The following RNF182 variants were observed in gnomAD, a reference collection of about 807,000 sequenced individuals.
The protein encoded by RNF182 is E3 ubiquitin-protein ligase RNF182.
RNF182 carries 15 observed loss-of-function variants against 14.4 expected under a neutral mutation model. The ratio of observed to expected loss-of-function variants is 1.04; its 90% CI spans 0.70 to 1.60. The LOEUF is 1.60. Ranked by LOEUF, RNF182 falls within the 40% of genes most tolerant of loss-of-function variation. RNF182 has a pLI of 0.00. For synonymous variants in RNF182, 128 were observed against 122.9 expected (o/e 1.04, Z -0.27); for missense variants, 268 against 294.8 (o/e 0.91, Z 0.67).
intron 1 of RNF182, among the ~76,000 whole-genome samples, chr6:13,946,536 T>C (rs1011385400): frequency 1.3e-5 from 2 of 152,190 alleles, no homozygotes; most frequent in African/African-American, 4.8e-5. Flanking sequence ...TTCCTGGGTC[T>C]GTTATTTCCT....
intron 1 of RNF182, among the ~76,000 whole-genome samples, chr6:13,940,041 C>T (rs1759249619): frequency 1.3e-5 from 2 of 152,044 alleles, no homozygotes; most frequent in South Asian, 4.1e-4. Flanking sequence ...TATCTAGGAC[C>T]TCAATTATAA....
At chr6:13,974,742 C>CT (rs1760281925) in intron 2 of RNF182, among the ~76,000 whole-genome samples, 1 of 152,214 alleles carries the variant, frequency 6.6e-6, no homozygotes. Context: ...CATGTCTACT[C>CT]TAGCTTTCTG....
intron 1 of RNF182, among the ~76,000 whole-genome samples, chr6:13,972,888 CT>C (rs1381557983): frequency 6.6e-6 from 1 of 152,210 alleles, no homozygotes; most frequent in Admixed American, 6.5e-5. Flanking sequence ...CACTGGGGCA[CT>C]GCCTAGTGGA....
chr6:13,968,270 G>A (rs1359679978), intron 1 of RNF182, among the ~76,000 whole-genome samples: 1 of 152,126 alleles, frequency 6.6e-6, no homozygotes, highest in South Asian at 2.1e-4. Context: ...ATGCAAAGAC[G>A]ATAACAGAAT....
chr6:13,978,083 G>C lies in RNF182; in HGVS notation c.*220G>C. The C allele has an allele frequency of 1.4e-5, 7 of 505,664 alleles. No homozygotes were observed. Among genetic ancestry groups the C allele is most frequent in the South Asian group, 9.0e-5 (3 of 33,310 alleles). 31.3% of individuals were successfully genotyped at this position (505,664 alleles called of 1,614,324 possible). A position where few individuals can be genotyped will look rare whatever the true frequency, so the allele number is the denominator to read the frequency against. On this transcript the variant is annotated 3_prime_UTR_variant, in exon 3 of 3. Coordinates refer to ENST00000488300, the MANE Select transcript of RNF182 (RefSeq NM_152737.4). ...AAAATTGTATAAGCTCACACTTCATGGAGCACTGACAGCAGTGAGTCTTCC... is the reference window on the plus strand; with the variant it reads ...AAAATTGTATAAGCTCACACTTCATCGAGCACTGACAGCAGTGAGTCTTCC...
intron 1 of RNF182, among the ~76,000 whole-genome samples, chr6:13,936,059 A>C (rs1759100637): frequency 6.6e-6 from 1 of 152,204 alleles, no homozygotes; most frequent in Admixed American, 6.5e-5. Context: ...AGGAAGAGAG[A>C]TGGGAGAGGT....
At chr6:13,931,188 T>G (rs1758959005) in intron 1 of RNF182, among the ~76,000 whole-genome samples, 1 of 152,206 alleles carries the variant, frequency 6.6e-6, no homozygotes, top group African/African-American at 2.4e-5. Flanking sequence ...TCCTCAAGTC[T>G]ATTTTTGGAA....
At chr6:13,968,051 GA>G (rs1171995907) in intron 1 of RNF182, among the ~76,000 whole-genome samples, 1 of 148,232 alleles carries the variant, frequency 6.7e-6, no homozygotes, top group African/African-American at 2.4e-5. Flanking sequence ...TATGAATTGG[GA>G]AAAAAATCAT....
intron 1 of RNF182, among the ~76,000 whole-genome samples, chr6:13,957,093 G>A (rs1352997640): frequency 6.6e-6 from 1 of 152,068 alleles, no homozygotes; most frequent in Non-Finnish European, 1.5e-5. Flanking sequence ...GTGCCTTTTG[G>A]GATAGAGTAT....
At chr6:13,956,613 A>G (rs1759738972) in intron 1 of RNF182, among the ~76,000 whole-genome samples, 1 of 151,942 alleles carries the variant, frequency 6.6e-6, no homozygotes, top group South Asian at 2.1e-4. Context: ...GCGTGAGCCA[A>G]TGCTCCCGGC....
intron 1 of RNF182, among the ~76,000 whole-genome samples, chr6:13,959,627 T>A (rs1462185050): frequency 6.6e-6 from 1 of 152,204 alleles, no homozygotes; most frequent in Non-Finnish European, 1.5e-5. Context: ...TTTGGTTGAA[T>A]TGACTGGCTT....
chr6:13,931,442 G>A (rs961192027), intron 1 of RNF182, among the ~76,000 whole-genome samples: 17 of 152,114 alleles, frequency 1.1e-4, no homozygotes, highest in Middle Eastern at 3.2e-3. Flanking sequence ...CTGGAGTGTG[G>A]TATCAGGGAT....
At chr6:13,953,121 A>G (rs1759637502) in intron 1 of RNF182, among the ~76,000 whole-genome samples, 1 of 152,208 alleles carries the variant, frequency 6.6e-6, no homozygotes, top group African/African-American at 2.4e-5. Flanking sequence ...GGTCTGTTCA[A>G]TAAACATTAT....
chr6:13,976,507 C>T (rs1465618356), intron 2 of RNF182, among the ~76,000 whole-genome samples: 1 of 152,168 alleles, frequency 6.6e-6, no homozygotes, highest in East Asian at 1.9e-4. Flanking sequence ...ATTTAGACAC[C>T]TGGTATTTAC....
intron 2 of RNF182, 29 bp from the exon 3 acceptor site, chr6:13,976,880 T>A (rs994282036): frequency 4.0e-6 from 2 of 501,290 alleles, no homozygotes; most frequent in South Asian, 7.2e-5. Flanking sequence ...AACTGTTCAT[T>A]ATATTAGAAT....
At chr6:13,948,871 T>G (rs1466065878) in intron 1 of RNF182, among the ~76,000 whole-genome samples, 3 of 152,022 alleles carry the variant, frequency 2.0e-5, no homozygotes, top group Non-Finnish European at 2.9e-5. Context: ...TTTCTTTAGT[T>G]TATTCAAAAG....
intron 1 of RNF182, among the ~76,000 whole-genome samples, chr6:13,940,506 C>T (rs1320548251): frequency 2.6e-5 from 4 of 152,048 alleles, no homozygotes; most frequent in African/African-American, 9.7e-5. Flanking sequence ...TTTTTCCCCC[C>T]TTGATCAGTC....
intron 1 of RNF182, among the ~76,000 whole-genome samples, chr6:13,962,923 A>G (rs1464463689): frequency 6.6e-6 from 1 of 152,216 alleles, no homozygotes; most frequent in African/African-American, 2.4e-5. Context: ...AGTAATACAT[A>G]GCATAGAGCC....
chr6:13,944,445 G>T (rs151178234), intron 1 of RNF182, among the ~76,000 whole-genome samples: 1 of 152,256 alleles, frequency 6.6e-6, no homozygotes, highest in East Asian at 1.9e-4. Context: ...GGGTTGTGCT[G>T]AAAGTTGCAG....
Sources: allele counts gnomAD v4.1 joint callset (sites outside exome capture counted in the v4.1 genomes callset), GRCh38; gene constraint gnomAD v4.1.1; transcripts MANE v1.5; gene names NCBI Gene and HGNC (gene_info 2026-07-23, HGNC 2026-07-21).